The following ARHGAP32 variants were observed in gnomAD, a reference collection of about 807,000 sequenced individuals.
The protein encoded by ARHGAP32 is Rho GTPase activating protein 32.
In ARHGAP32, 51 loss-of-function variants were observed where a neutral mutation model predicts 186.5. The ratio of observed to expected loss-of-function variants is 0.27; its 90% CI spans 0.22 to 0.35. The LOEUF is 0.35. ARHGAP32 is among the 10% of genes least tolerant of loss of function. The pLI is 1.00. For missense variants in ARHGAP32, 2,186 were observed against 2,623.5 expected (o/e 0.83, Z 3.64); for synonymous variants, 950 against 964.3 (o/e 0.99, Z 0.27).
chr11:129,192,111 C>G lies in ARHGAP32; in HGVS notation c.88G>C (p.Glu30Gln), dbSNP rs745814775. 1.9e-6 allele frequency: 3 copies of G among 1,613,630 alleles called. No homozygotes were observed. The African/African-American group carries it at 4.0e-5, about 22-fold the overall frequency. ...AACTTCTCTTCCCTTTCTTCCTCTT[C>G]ACAGTCAGTCACCTGGATTATAACT... The part of the protein sequence containing the change: ...SEVIIQVTDC[E>Q]EEEREEKFRK... The change falls in exon 1 of 23, where the codon GAA (glutamate) becomes CAA (glutamine). Residue 30 changes from glutamate to glutamine, a missense_variant. Around this residue, in one of 5 missense-constraint regions of ARHGAP32, gnomAD observed 108 missense variants for 116.8 expected, o/e 0.92. Transcript: ENST00000682385.
chr11:129,238,244 T>C (rs1430958732), intron 1 of ARHGAP32, among the ~76,000 whole-genome samples: 1 of 152,162 alleles, frequency 6.6e-6, no homozygotes, highest in Non-Finnish European at 1.5e-5. Flanking sequence ...AGCACCTTCA[T>C]ATTAAAAGAT....
At chr11:129,193,575 T>TTATATAATATATATTATATATAATATATA (rs1944320753), upstream of ARHGAP32, among the ~76,000 whole-genome samples, 8 of 54,034 alleles carry the variant, frequency 1.5e-4, no homozygotes, top group South Asian at 1.2e-3. Flanking sequence ...ATATAATATA[T>TTATATAATATATATTATATATAATATATA]ATATATTATA....
intron 11 of ARHGAP32, among the ~76,000 whole-genome samples, chr11:129,002,236 T>C (rs1946379160): frequency 6.6e-6 from 1 of 152,200 alleles, no homozygotes; most frequent in African/African-American, 2.4e-5. Context: ...GAACGTGGAA[T>C]ACCTTTCCAT....
At chr11:129,166,492 A>G (rs1053351845) in intron 1 of ARHGAP32, among the ~76,000 whole-genome samples, 3 of 152,148 alleles carry the variant, frequency 2.0e-5, no homozygotes, top group Non-Finnish European at 2.9e-5. Flanking sequence ...ACACAAAGAG[A>G]AATCCTTAAA....
Position 129,054,776 on chromosome 11 carries a change from T to C in ARHGAP32, c.963+7504A>G, listed in dbSNP as rs185103017. ...GACAACAAAGATGAGAGATTCAATA[T>C]ACTCCTTAGGTGACAAATAAAAAAC... On this transcript the variant is annotated intron_variant, in intron 10 of 22. Coordinates refer to ENST00000682385, the MANE Select transcript of ARHGAP32 (RefSeq NM_001378024.1). Among the ~76,000 whole-genome samples, 158 of 152,340 alleles carry C rather than the reference T, an allele frequency of 1.0e-3. 1 individual carries two copies. Among genetic ancestry groups the C allele is most frequent in the African/African-American group, 3.4e-3 (142 of 41,598 alleles).
At chr11:129,236,069 C>T (rs748068693) in intron 1 of ARHGAP32, among the ~76,000 whole-genome samples, 1 of 152,224 alleles carries the variant, frequency 6.6e-6, no homozygotes. Flanking sequence ...GACTTCTTTT[C>T]CTCCGGGTAG....
At chr11:129,032,424 T>A (rs1939154864) in intron 11 of ARHGAP32, among the ~76,000 whole-genome samples, 1 of 152,182 alleles carries the variant, frequency 6.6e-6, no homozygotes, top group African/African-American at 2.4e-5. Context: ...CACAACCAAA[T>A]GGAGAAAAAA....
chr11:129,132,404 T>C (rs1487243053), intron 2 of ARHGAP32, among the ~76,000 whole-genome samples: 1 of 151,228 alleles, frequency 6.6e-6, no homozygotes, highest in East Asian at 1.9e-4. Flanking sequence ...TGCTTGAGCC[T>C]AAGGTTAAGG....
chr11:129,249,688 T>A (rs1286065130), intron 1 of ARHGAP32, among the ~76,000 whole-genome samples: 2 of 152,156 alleles, frequency 1.3e-5, no homozygotes. Flanking sequence ...AGATCAAGTT[T>A]ATTCACTCAA....
chr11:129,179,558 T>C (rs1263168754), intron 1 of ARHGAP32, among the ~76,000 whole-genome samples: 1 of 151,346 alleles, frequency 6.6e-6, no homozygotes, highest in East Asian at 1.9e-4. Flanking sequence ...TGTCCAACAA[T>C]GATAGACTGG....
intron 5 of ARHGAP32, among the ~76,000 whole-genome samples, chr11:129,095,334 T>G (rs1941700994): frequency 6.6e-6 from 1 of 152,200 alleles, no homozygotes; most frequent in Non-Finnish European, 1.5e-5. Context: ...CTTGAGTAAC[T>G]GCATATAAAC....
At chr11:129,070,767 T>C (rs1313246141) in intron 6 of ARHGAP32, among the ~76,000 whole-genome samples, 2 of 151,960 alleles carry the variant, frequency 1.3e-5, no homozygotes, top group African/African-American at 4.8e-5. Context: ...TTGTACCAAT[T>C]TTTACTGCTT....
chr11:128,996,411 C>T (rs1027461776), intron 12 of ARHGAP32, among the ~76,000 whole-genome samples: 2 of 152,132 alleles, frequency 1.3e-5, no homozygotes, highest in East Asian at 1.9e-4. Context: ...TCCCTCTACA[C>T]TGTTATTTTT....
rs1174712954 is a variant in ARHGAP32 at position 128,970,796 on chromosome 11, G to A, written c.4417C>T (p.Leu1473Phe). ...TSVDDALPLP[L>F]PVPQPKHASQ... ...GCATGCTTAGGTTGTGGGACAGGAA[G>A]TGGTAAAGGCAATGCATCGTCCACA... Residue 1473 changes from leucine (L) to phenylalanine (F), a missense_variant, in exon 23 of 23, where the codon CTT (leucine) becomes TTT (phenylalanine). This residue lies in a region of ARHGAP32 where 1,502 missense variants were observed against 1,570.0 expected (regional missense o/e 0.96). Transcript: ENST00000682385. This position sits in a 1 kb window ranked among gnomAD's most constrained non-coding sequence, Gnocchi z 5.8. 1 of 1,614,114 alleles carries A rather than the reference G, an allele frequency of 6.2e-7. No individual in the cohort carries two copies. Among genetic ancestry groups the A allele is most frequent in the Non-Finnish European group, 8.5e-7 (1 of 1,180,038 alleles).
intron 2 of ARHGAP32, among the ~76,000 whole-genome samples, chr11:129,154,087 C>T (rs903273731): frequency 3.3e-5 from 5 of 151,892 alleles, no homozygotes; most frequent in African/African-American, 1.2e-4. Context: ...ATAGGCAGTT[C>T]TCAAAAGAAG....
At chr11:129,139,637 TATAAA>T (rs976667003) in intron 2 of ARHGAP32, among the ~76,000 whole-genome samples, 1 of 152,128 alleles carries the variant, frequency 6.6e-6, no homozygotes, top group African/African-American at 2.4e-5. Context: ...CTGACAGTTT[TATAAA>T]GAGTTCTCCC....
intron 1 of ARHGAP32, among the ~76,000 whole-genome samples, chr11:129,221,266 T>G (rs1944706774): frequency 6.6e-6 from 1 of 152,060 alleles, no homozygotes; most frequent in Non-Finnish European, 1.5e-5. Flanking sequence ...AAGACAATAA[T>G]AAGATAACCA....
At chr11:129,237,417 G>A (rs1267708455) in intron 1 of ARHGAP32, among the ~76,000 whole-genome samples, 1 of 152,146 alleles carries the variant, frequency 6.6e-6, no homozygotes, top group African/African-American at 2.4e-5. Flanking sequence ...TGCTCCCAGG[G>A]ACTTTACATT....
rs528661183 is a variant in ARHGAP32 at position 128,991,670 on chromosome 11, C to T, written c.1196-3545G>A. On this transcript the variant is annotated intron_variant, in intron 12 of 22. Transcript: ENST00000682385. ...CCTCCAAAATGCTTCCTCCAAAAGA[C>T]GGTATGACTTTCAGAATCATTCCCA... is the stretch of plus-strand genomic sequence containing the variant. 3.9e-3 allele frequency among the ~76,000 whole-genome samples: 600 copies of T among 152,268 alleles called. 2 individuals carry two copies. Among genetic ancestry groups the T allele is most frequent in the African/African-American group, 0.014 (565 of 41,556 alleles).
Sources: gnomAD v4.1 joint callset for allele counts (sites outside exome capture counted in the v4.1 genomes callset) on GRCh38, gnomAD v4.1.1 for gene constraint, gnomAD v4.1.1 regional missense constraint, Gnocchi (gnomAD v3.1) non-coding constraint, MANE v1.5 for transcripts, NCBI Gene and HGNC (gene_info 2026-07-23, HGNC 2026-07-21) for gene names.